Variants in CSMD1 observed in about 807,000 individuals in gnomAD.
CSMD1 encodes CUB and Sushi multiple domains 1.
A neutral mutation model predicts 417.5 loss-of-function variants in CSMD1; 213 were observed. That is an observed-to-expected ratio of 0.51 (90% CI 0.46 to 0.57). The LOEUF (loss-of-function observed/expected upper bound fraction) is 0.57. CSMD1 is among the 20% of genes least tolerant of loss of function. The probability of loss-of-function intolerance (pLI) is 0.00; values close to 1 mark genes in which losing one functional copy is unlikely to be tolerated. For missense variants in CSMD1, 6,923 were observed against 4,529.7 expected, an observed-to-expected ratio of 1.53 and a Z score of -15.17; for synonymous variants, 2,862 against 1,736.8, an observed-to-expected ratio of 1.65 and a Z score of -16.11.
At chr8:3,654,023 G>A (rs930031011) in intron 7 of CSMD1, among the ~76,000 whole-genome samples, 7 of 152,110 alleles carry the variant, frequency 4.6e-5, no homozygotes, top group African/African-American at 1.4e-4. Flanking sequence ...AAATGTCACT[G>A]CTTGGAGGGG....
intron 5 of CSMD1, among the ~76,000 whole-genome samples, chr8:3,866,532 C>A (rs374007283): frequency 6.6e-6 from 1 of 152,156 alleles, no homozygotes; most frequent in African/African-American, 2.4e-5. Flanking sequence ...CTAATGTGTA[C>A]GTTTTGGTCT....
chr8:2,997,894 G>T, intron 54 of CSMD1, 117 bp downstream of exon 54: 2 of 963,998 alleles, frequency 2.1e-6, no homozygotes, highest in Non-Finnish European at 2.9e-6. Flanking sequence ...AATGGTGAGA[G>T]TTTGCAGAAC....
Position 4,748,643 on chromosome 8 carries a change from C to G in CSMD1, c.86-111085G>C, listed in dbSNP as rs1320769739. Among the ~76,000 whole-genome samples the G allele has an allele frequency of 2.6e-5, 4 of 152,190 alleles. No homozygotes were observed. In the East Asian group the frequency reaches 5.8e-4, roughly 22 times the overall value. ...CTAAATTATTTATTGACTGGAATGTCTCCAGAATTTAAATTTTTAGTCTAA... is the reference window on the plus strand; with the variant it reads ...CTAAATTATTTATTGACTGGAATGTGTCCAGAATTTAAATTTTTAGTCTAA... On this transcript the variant is annotated intron_variant, in intron 1 of 69. Coordinates refer to ENST00000635120, the MANE Select transcript of CSMD1 (RefSeq NM_033225.6).
intron 3 of CSMD1, among the ~76,000 whole-genome samples, chr8:4,246,088 T>C (rs1032176230): frequency 2.0e-5 from 3 of 152,156 alleles, no homozygotes; most frequent in Non-Finnish European, 2.9e-5. Context: ...AGTAAACTTA[T>C]GTCATGGGAG....
rs200576252 is a variant in CSMD1 at position 3,753,679 on chromosome 8, TATTG to T, written c.931+247_931+250del. 1.2e-3 allele frequency among the ~76,000 whole-genome samples: 176 copies of T among 152,334 alleles called. 1 individual carries two copies. Among genetic ancestry groups the T allele is most frequent in the African/African-American group, 3.7e-3 (155 of 41,580 alleles). On this transcript the variant is annotated intron_variant, in intron 6 of 69. Coordinates refer to ENST00000635120, the MANE Select transcript of CSMD1 (RefSeq NM_033225.6). ...ATTAAAATCAATGATAATAAATAGC[TATTG>T]ATTAAAACTTAGCAATTGTTCCAGT...
At chr8:3,162,074 G>A (rs2129040315) in intron 38 of CSMD1, 85 bp downstream of exon 38, 1 of 842,492 alleles carries the variant, frequency 1.2e-6, no homozygotes, top group Non-Finnish European at 2.0e-6. Context: ...GAAAACATGG[G>A]TACAAAGTGA....
At chr8:4,321,914 A>C (rs922434010) in intron 3 of CSMD1, among the ~76,000 whole-genome samples, 1 of 152,086 alleles carries the variant, frequency 6.6e-6, no homozygotes, top group Admixed American at 6.6e-5. Flanking sequence ...TTTGCCTTTT[A>C]TTACAGTATA....
At chr8:3,075,774 G>C (rs111588650) in intron 49 of CSMD1, among the ~76,000 whole-genome samples, 1,957 of 151,846 alleles carry the variant, frequency 0.013, 35 homozygotes, top group African/African-American at 0.044. Flanking sequence ...GGGCGCGGTG[G>C]CTCATGCCTG....
At chr8:4,779,301 A>G (rs1231444112) in intron 1 of CSMD1, among the ~76,000 whole-genome samples, 3 of 152,152 alleles carry the variant, frequency 2.0e-5, no homozygotes, top group East Asian at 3.9e-4. Flanking sequence ...CAAAATTTTC[A>G]CAATATATTT....
intron 3 of CSMD1, among the ~76,000 whole-genome samples, chr8:4,293,645 A>T (rs563297952): frequency 6.6e-6 from 1 of 152,216 alleles, no homozygotes; most frequent in African/African-American, 2.4e-5. Flanking sequence ...AAGACACAGC[A>T]GTCTCTTATA....
chr8:3,779,087 G>C (rs1195299342), intron 5 of CSMD1, among the ~76,000 whole-genome samples: 1 of 151,782 alleles, frequency 6.6e-6, no homozygotes, highest in African/African-American at 2.4e-5. Context: ...TGGAATGTAG[G>C]TTAAAAGACT....
intron 3 of CSMD1, among the ~76,000 whole-genome samples, chr8:4,351,828 C>A (rs1219054457): frequency 6.6e-6 from 1 of 152,088 alleles, no homozygotes; most frequent in Non-Finnish European, 1.5e-5. Flanking sequence ...AGCAACACAC[C>A]AGGCCAAGGA....
chr8:3,731,682 G>A (rs575110124), intron 6 of CSMD1, among the ~76,000 whole-genome samples: 1 of 152,182 alleles, frequency 6.6e-6, no homozygotes, highest in African/African-American at 2.4e-5. Context: ...AGCAACAATT[G>A]AGGAAACAAA....
chr8:3,548,656 T>TCACACACA (rs1322469479), intron 10 of CSMD1, among the ~76,000 whole-genome samples: 1 of 86,004 alleles, frequency 1.2e-5, no homozygotes, highest in Admixed American at 1.1e-4. Context: ...TGGTATTCCA[T>TCACACACA]CATACACACA....
intron 2 of CSMD1, among the ~76,000 whole-genome samples, chr8:4,506,046 A>G (rs2130311885): frequency 6.6e-6 from 1 of 152,200 alleles, no homozygotes; most frequent in African/African-American, 2.4e-5. Context: ...ATTTTTGAAC[A>G]TCTAACATGT....
rs180842542 is a variant in CSMD1, at chr8:3,179,168, A to G, written c.5725+1942T>C. Among the ~76,000 whole-genome samples the G allele has an allele frequency of 8.5e-3, 1,285 of 151,470 alleles. 15 individuals are homozygous for G. The highest frequency in any genetic ancestry group is 0.032 in the South Asian group (152 of 4,750). ...CAACGTGTTAGCCAGGACTGTCTCG[A>G]TCTCCTGACCTCGTGATCTGCCCGC... On this transcript the variant is annotated intron_variant, in intron 37 of 69. Transcript: ENST00000635120.
intron 1 of CSMD1, among the ~76,000 whole-genome samples, chr8:4,870,509 T>C (rs1802676211): frequency 6.6e-6 from 1 of 152,162 alleles, no homozygotes; most frequent in African/African-American, 2.4e-5. Flanking sequence ...CACTGTCACA[T>C]GCAACTTGGC....
chr8:4,629,460 T>A (rs932446866), intron 2 of CSMD1, among the ~76,000 whole-genome samples: 2 of 152,208 alleles, frequency 1.3e-5, no homozygotes, highest in East Asian at 3.8e-4. Flanking sequence ...GCTTTTCAAT[T>A]GAAGGATTAT....
At chr8:4,396,651 A>G (rs1254503587) in intron 3 of CSMD1, among the ~76,000 whole-genome samples, 2 of 151,868 alleles carry the variant, frequency 1.3e-5, no homozygotes, top group African/African-American at 4.8e-5. Flanking sequence ...ATAAATATCT[A>G]TATATCTCCC....
Sources: gnomAD v4.1 joint callset for allele counts (sites outside exome capture counted in the v4.1 genomes callset) on GRCh38, gnomAD v4.1.1 for gene constraint, MANE v1.5 for transcripts, NCBI Gene and HGNC (gene_info 2026-07-23, HGNC 2026-07-21) for gene names.